The following MORC1 variants were observed in gnomAD, a reference collection of about 807,000 sequenced individuals.
The protein encoded by MORC1 is MORC family CW-type zinc finger 1, also known as MORC family CW-type zinc finger protein 1.
A neutral mutation model predicts 134.9 loss-of-function variants in MORC1; 59 were observed. The ratio of observed to expected loss-of-function variants is 0.44; its 90% confidence interval spans 0.35 to 0.54. The LOEUF is 0.54. Among genes scored for constraint, MORC1 ranks in the 20% least tolerant of loss-of-function variants. The probability of loss-of-function intolerance (pLI) is 0.00; values close to 1 mark genes in which losing one functional copy is unlikely to be tolerated. For synonymous variants in MORC1, 395 were observed against 391.7 expected (o/e 1.01, Z -0.10); for missense variants, 947 against 1,134.5 (o/e 0.83, Z 2.37).
chr3:109,089,383 C>T (rs6437821), intron 8 of MORC1, among the ~76,000 whole-genome samples: 133,907 of 152,068 alleles, frequency 0.88, 59,054 homozygotes, highest in East Asian at 0.93. Flanking sequence ...TACAGTCCTA[C>T]AGATTTCACA....
At chr3:108,959,361 T>C (rs1474305291) in intron 27 of MORC1, among the ~76,000 whole-genome samples, 1 of 152,204 alleles carries the variant, frequency 6.6e-6, no homozygotes, top group East Asian at 1.9e-4. Flanking sequence ...CAACTTTTTT[T>C]CTCTTTTTAA....
intron 9 of MORC1, among the ~76,000 whole-genome samples, chr3:109,067,604 T>A (rs1168647685): frequency 2.6e-5 from 4 of 152,190 alleles, no homozygotes; most frequent in African/African-American, 7.2e-5. Flanking sequence ...AGAAATTTAA[T>A]GTGAAAAGAT....
chr3:109,079,645 G>A (rs1487517571), intron 8 of MORC1, among the ~76,000 whole-genome samples: 2 of 152,000 alleles, frequency 1.3e-5, no homozygotes, highest in East Asian at 1.9e-4. Context: ...TATTTAACTA[G>A]CCAACTAAAT....
Position 109,000,656 on chromosome 3 carries a change from G to A in MORC1, c.2088C>T (p.Ala696=), listed in dbSNP as rs762258536. 13 of 1,606,138 alleles carry A rather than the reference G, an allele frequency of 8.1e-6. No homozygotes were observed. Among genetic ancestry groups the A allele is most frequent in the Admixed American group, 3.4e-5 (2 of 59,460 alleles). Residue 696 remains alanine (A), a splice_region_variant and synonymous_variant, in exon 21 of 28, where the codon GCC becomes GCT. Coordinates refer to ENST00000232603, the MANE Select transcript of MORC1 (RefSeq NM_014429.4). The part of the protein sequence containing the change: ...PTEGCLKNAQ[A]ASWEMKRKQS... The stretch of plus-strand genomic sequence containing the variant: ...GCTTCCTTTTCATTTCCCAAGAAGC[G>A]GCCTATAACAAGGAATTAACAAAAA...
chr3:108,996,902 C>T (rs948027195), intron 21 of MORC1, among the ~76,000 whole-genome samples: 3 of 148,186 alleles, frequency 2.0e-5, no homozygotes, highest in African/African-American at 7.5e-5. Flanking sequence ...CCCAGTTACT[C>T]GTGAGGCTGA....
In MORC1 at chr3:109,112,378, A is replaced by T. The variant is rs982782813; in HGVS notation, c.120-1595T>A. Among the ~76,000 whole-genome samples, 3 of 152,342 alleles carry T rather than the reference A, an allele frequency of 2.0e-5. No homozygotes were observed. The South Asian group carries it at 6.2e-4, about 32-fold the overall frequency. On this transcript the variant is annotated intron_variant, in intron 2 of 27. Transcript: ENST00000232603. ...AGGAAATCATTAAAATATTGAATAC[A>T]ATGATATAAAAGAATTTCTTAGAAT...
chr3:108,974,277 C>A (rs1252970326), intron 24 of MORC1, among the ~76,000 whole-genome samples: 1 of 152,140 alleles, frequency 6.6e-6, no homozygotes, highest in African/African-American at 2.4e-5. Flanking sequence ...AAAATTAATT[C>A]AGGAAAGCAA....
intron 23 of MORC1, among the ~76,000 whole-genome samples, chr3:108,980,040 T>C (rs576549088): frequency 6.6e-6 from 1 of 152,290 alleles, no homozygotes; most frequent in African/African-American, 2.4e-5. Flanking sequence ...AAATCTACAA[T>C]GGATATACTT....
At chr3:109,035,081 C>T (rs1949342937) in intron 15 of MORC1, among the ~76,000 whole-genome samples, 1 of 152,120 alleles carries the variant, frequency 6.6e-6, no homozygotes, top group African/African-American at 2.4e-5. Context: ...ACAAATGCTA[C>T]TCCATCATAG....
At chr3:109,009,470 C>T (rs1948631979) in intron 17 of MORC1, among the ~76,000 whole-genome samples, 1 of 152,190 alleles carries the variant, frequency 6.6e-6, no homozygotes, top group South Asian at 2.1e-4. Flanking sequence ...TCCCAAAGTG[C>T]TGGGATTACA....
chr3:109,054,901 A>G lies in MORC1; in HGVS notation c.1176-19T>C. The G allele has an allele frequency of 6.4e-7, 1 of 1,573,160 alleles. No homozygotes were observed. ...GCCAAGTCTGAGAAAATATATGCAT[A>G]TTTAAATTTTGAAAATTTGGCTAAA... On this transcript the variant is annotated intron_variant, in intron 13 of 27. Coordinates refer to ENST00000232603, the MANE Select transcript of MORC1 (RefSeq NM_014429.4).
chr3:109,066,902 C>T (rs931227442), intron 9 of MORC1, among the ~76,000 whole-genome samples: 1 of 152,186 alleles, frequency 6.6e-6, no homozygotes, highest in Non-Finnish European at 1.5e-5. Context: ...ATCCACATTT[C>T]GCTTCCAATT....
At chr3:109,110,523 A>T (rs1010567154) in intron 3 of MORC1, among the ~76,000 whole-genome samples, 1 of 152,182 alleles carries the variant, frequency 6.6e-6, no homozygotes, top group African/African-American at 2.4e-5. Flanking sequence ...ACATTCACAA[A>T]ACTCTGGAAG....
In MORC1 at chr3:109,100,522, G is replaced by T; in HGVS notation, c.224-15C>A. 2 of 1,592,196 alleles carry T rather than the reference G, an allele frequency of 1.3e-6. No individual in the cohort carries two copies. Among genetic ancestry groups the T allele is most frequent in the East Asian group, 2.2e-5 (1 of 44,724 alleles). ...TGAAGCTTCCTCTGTAATTGACAGT[G>T]ACTTTTAAGGTGGTTAGGAAGACTC... is the stretch of plus-strand genomic sequence containing the variant. On this transcript the variant is annotated splice_polypyrimidine_tract_variant and intron_variant, in intron 4 of 27. Coordinates refer to ENST00000232603, the MANE Select transcript of MORC1 (RefSeq NM_014429.4).
chr3:109,029,120 G>A (rs1450533534), intron 16 of MORC1, among the ~76,000 whole-genome samples: 2 of 152,118 alleles, frequency 1.3e-5, no homozygotes, highest in Non-Finnish European at 2.9e-5. Context: ...TATTTTTCTC[G>A]CCCCATACCA....
At chr3:109,060,867 T>C (rs1950063728) in intron 11 of MORC1, among the ~76,000 whole-genome samples, 1 of 152,104 alleles carries the variant, frequency 6.6e-6, no homozygotes. Flanking sequence ...CATTAGTCTT[T>C]TTCTGGACTC....
chr3:109,060,898 G>C (rs1241962416), intron 11 of MORC1, among the ~76,000 whole-genome samples: 2 of 151,244 alleles, frequency 1.3e-5, no homozygotes, highest in Admixed American at 1.3e-4. Context: ...AAAGCAAAGG[G>C]AAATGATTTC....
At chr3:108,978,515 C>G (rs16855080) in intron 24 of MORC1, among the ~76,000 whole-genome samples, 5,038 of 152,230 alleles carry the variant, frequency 0.033, 267 homozygotes, top group African/African-American at 0.11. Flanking sequence ...CTGGATGCTG[C>G]TACAAAGACT....
chr3:108,986,586 T>C (rs974277583), intron 22 of MORC1, among the ~76,000 whole-genome samples: 9 of 151,960 alleles, frequency 5.9e-5, no homozygotes, highest in African/African-American at 2.2e-4. Flanking sequence ...TAATCAAAAT[T>C]AGAAGGAGAA....
Sources: gnomAD v4.1 joint callset for allele counts (sites outside exome capture counted in the v4.1 genomes callset) on GRCh38, gnomAD v4.1.1 for gene constraint, MANE v1.5 for transcripts, NCBI Gene and HGNC (gene_info 2026-07-23, HGNC 2026-07-21) for gene names.